The following ADAMTS6 variants were observed in gnomAD, a reference collection of about 807,000 sequenced individuals.
The protein encoded by ADAMTS6 is A disintegrin and metalloproteinase with thrombospondin motifs 6.
A neutral mutation model predicts 144.3 loss-of-function variants in ADAMTS6; 23 were observed. The observed-to-expected ratio is 0.16, with a 90% CI of 0.11 to 0.23. ADAMTS6 has a LOEUF of 0.23. ADAMTS6 is among the 10% of genes least tolerant of loss of function. The pLI is 1.00. For missense variants in ADAMTS6, 999 were observed against 1,379.6 expected (o/e 0.72, Z 4.37); for synonymous variants, 444 against 457.5 (o/e 0.97, Z 0.38).
chr5:65,341,429 A>T (rs1747811499), intron 7 of ADAMTS6, among the ~76,000 whole-genome samples: 1 of 151,934 alleles, frequency 6.6e-6, no homozygotes, highest in Non-Finnish European at 1.5e-5. Flanking sequence ...TTGAAAAGAT[A>T]ACGAAAACTG....
chr5:65,172,723 G>A (rs757589888), intron 23 of ADAMTS6, 109 bp downstream of exon 23: 14 of 1,281,174 alleles, frequency 1.1e-5, no homozygotes, highest in African/African-American at 5.9e-5. Flanking sequence ...AGACTTCTAC[G>A]TGTTAATTCT....
chr5:65,370,968 T>TGACCCCC, intron 7 of ADAMTS6, among the ~76,000 whole-genome samples: 1 of 152,340 alleles, frequency 6.6e-6, no homozygotes, highest in Non-Finnish European at 1.5e-5. Flanking sequence ...CCCTGACCCC[T>TGACCCCC]GACCCCCGAG....
chr5:65,191,290 A>G (rs1239210152), intron 21 of ADAMTS6, among the ~76,000 whole-genome samples: 3 of 152,164 alleles, frequency 2.0e-5, no homozygotes, highest in Non-Finnish European at 4.4e-5. Context: ...TTATTACAAA[A>G]AATAGTATAA....
intron 7 of ADAMTS6, among the ~76,000 whole-genome samples, chr5:65,435,595 T>A (rs1341892051): frequency 6.6e-6 from 1 of 151,758 alleles, no homozygotes; most frequent in Non-Finnish European, 1.5e-5. Context: ...GCACCTTTTT[T>A]TTTGTAATTC....
chr5:65,350,786 T>C (rs1030818788), intron 7 of ADAMTS6, among the ~76,000 whole-genome samples: 2 of 152,234 alleles, frequency 1.3e-5, no homozygotes, highest in Admixed American at 6.5e-5. Context: ...CCTGAGTAGA[T>C]GGGATTACAG....
intron 11 of ADAMTS6, among the ~76,000 whole-genome samples, chr5:65,277,189 G>A (rs941489720): frequency 1.3e-5 from 2 of 152,126 alleles, no homozygotes; most frequent in African/African-American, 4.8e-5. Flanking sequence ...TAGGAGGAAT[G>A]CCTGGCAATA....
chr5:65,390,830 TAAAG>T (rs1157348299), intron 7 of ADAMTS6, among the ~76,000 whole-genome samples: 2 of 152,198 alleles, frequency 1.3e-5, no homozygotes, highest in Non-Finnish European at 2.9e-5. Flanking sequence ...TTGGTGCTCA[TAAAG>T]AATCTCCTTC....
chr5:65,296,724 A>G (rs1742876074), intron 10 of ADAMTS6, among the ~76,000 whole-genome samples: 1 of 152,134 alleles, frequency 6.6e-6, no homozygotes, highest in East Asian at 1.9e-4. Flanking sequence ...GTCAACTCCG[A>G]CTGTAACATT....
intron 22 of ADAMTS6, among the ~76,000 whole-genome samples, chr5:65,174,618 T>TC (rs1041700408): frequency 6.6e-6 from 1 of 152,220 alleles, no homozygotes; most frequent in African/African-American, 2.4e-5. Flanking sequence ...CGTGGCCTGA[T>TC]CACCCACGGT....
chr5:65,447,511 A>T (rs1442760239), intron 7 of ADAMTS6, among the ~76,000 whole-genome samples: 1 of 151,556 alleles, frequency 6.6e-6, no homozygotes, highest in East Asian at 1.9e-4. Context: ...CAAAAGCTTA[A>T]TAAAGACAAT....
At chr5:65,157,022 T>TA (rs1752464600) in intron 24 of ADAMTS6, among the ~76,000 whole-genome samples, 1 of 152,228 alleles carries the variant, frequency 6.6e-6, no homozygotes. Flanking sequence ...GGAATGACTT[T>TA]ACGGAGAATT....
intron 7 of ADAMTS6, among the ~76,000 whole-genome samples, chr5:65,440,995 G>A (rs888081461): frequency 1.3e-5 from 2 of 152,106 alleles, no homozygotes; most frequent in Non-Finnish European, 2.9e-5. Context: ...CAAAGATCAC[G>A]AAGTATGCAA....
chr5:65,385,291 T>C (rs1005964124), intron 7 of ADAMTS6, among the ~76,000 whole-genome samples: 1 of 152,250 alleles, frequency 6.6e-6, no homozygotes, highest in Non-Finnish European at 1.5e-5. Context: ...GTACAGACAG[T>C]ATGAATTTTT....
At chr5:65,330,805 T>C (rs776366860) in intron 8 of ADAMTS6, among the ~76,000 whole-genome samples, 1 of 152,074 alleles carries the variant, frequency 6.6e-6, no homozygotes, top group Non-Finnish European at 1.5e-5. Flanking sequence ...CACAGAGTTA[T>C]AAATACTGGT....
At chr5:65,463,449 T>A (rs886798535) in intron 3 of ADAMTS6, among the ~76,000 whole-genome samples, 2 of 152,130 alleles carry the variant, frequency 1.3e-5, no homozygotes, top group Non-Finnish European at 2.9e-5. Flanking sequence ...GAAAACCAGA[T>A]GATGGAGGGC....
intron 2 of ADAMTS6, among the ~76,000 whole-genome samples, 169 bp downstream of exon 2, chr5:65,473,408 C>G (rs1045662681): frequency 6.6e-6 from 1 of 152,048 alleles, no homozygotes; most frequent in African/African-American, 2.4e-5. Flanking sequence ...AGTTAAACGA[C>G]GCATAGCCCT....
chr5:65,371,939 C>T (rs936525131), intron 7 of ADAMTS6, among the ~76,000 whole-genome samples: 1 of 152,248 alleles, frequency 6.6e-6, no homozygotes, highest in Non-Finnish European at 1.5e-5. Flanking sequence ...AGAAACTCTA[C>T]AAGCCAGAAG....
intron 7 of ADAMTS6, among the ~76,000 whole-genome samples, chr5:65,407,796 C>T (rs1037821698): frequency 6.6e-6 from 1 of 152,032 alleles, no homozygotes; most frequent in Non-Finnish European, 1.5e-5. Flanking sequence ...GACACATGCA[C>T]ACGTATGTTT....
intron 13 of ADAMTS6, 55 bp from the exon 14 acceptor site, chr5:65,260,718 A>C (rs1761123865): frequency 1.6e-5 from 22 of 1,350,256 alleles, no homozygotes; most frequent in Non-Finnish European, 2.3e-5. Flanking sequence ...CCATACAAAG[A>C]GTATATATAT....
Sources: gnomAD v4.1 joint callset for allele counts (sites outside exome capture counted in the v4.1 genomes callset) on GRCh38, gnomAD v4.1.1 for gene constraint, MANE v1.5 for transcripts, NCBI Gene and HGNC (gene_info 2026-07-23, HGNC 2026-07-21) for gene names.